The following CACNG3 variants were observed in gnomAD, a reference collection of about 807,000 sequenced individuals.
CACNG3 encodes the protein voltage-dependent calcium channel gamma-3 subunit.
A neutral mutation model predicts 28.5 loss-of-function variants in CACNG3; 3 were observed. The ratio of observed to expected loss-of-function variants is 0.11; its 90% CI spans 0.05 to 0.27. CACNG3 has a LOEUF of 0.27. Ranked by LOEUF, CACNG3 falls within the 10% of genes least tolerant of loss-of-function variation. The pLI is 1.00. For missense variants in CACNG3, 236 were observed against 414.4 expected, an observed-to-expected ratio of 0.57 and a Z score of 3.74; for synonymous variants, 174 against 162.2, an observed-to-expected ratio of 1.07 and a Z score of -0.55.
intron 1 of CACNG3, among the ~76,000 whole-genome samples, chr16:24,323,219 C>CA (rs761999416): frequency 0.043 from 2,838 of 66,722 alleles, 161 homozygotes; most frequent in Middle Eastern, 0.059. Flanking sequence ...GAGCAGGACT[C>CA]AAAAAAAAAA....
Position 24,308,839 on chromosome 16 carries a change from C to CAAAAAAAA in CACNG3, c.212-37874_212-37867dup, listed in dbSNP as rs71154298. Among the ~76,000 whole-genome samples, 25 of 27,266 alleles carry CAAAAAAAA rather than the reference C, an allele frequency of 9.2e-4. 2 individuals carry two copies. Among genetic ancestry groups the CAAAAAAAA allele is most frequent in the Non-Finnish European group, 9.7e-4 (13 of 13,408 alleles). 17.9% of individuals were successfully genotyped at this position (27,266 alleles called of 152,430 possible). On this transcript the variant is annotated intron_variant, in intron 1 of 3. Transcript: ENST00000005284. ...TGGCTGATGGAGTGAGAACCTACCT[C>CAAAAAAAA]AAAAAAAAAAAAAAAAAAAAAAAAA...
At chr16:24,270,039 G>A (rs1437620678) in intron 1 of CACNG3, among the ~76,000 whole-genome samples, 1 of 152,086 alleles carries the variant, frequency 6.6e-6, no homozygotes, top group African/African-American at 2.4e-5. Context: ...TTGGCTAAGA[G>A]TCTATATATA....
At chr16:24,306,737 A>G (rs1899190229) in intron 1 of CACNG3, among the ~76,000 whole-genome samples, 2 of 152,210 alleles carry the variant, frequency 1.3e-5, no homozygotes, top group East Asian at 1.9e-4. Flanking sequence ...TTGCACTGCC[A>G]TGCTAGAGAT....
chr16:24,288,948 T>C (rs1302118688), intron 1 of CACNG3, among the ~76,000 whole-genome samples: 3 of 152,072 alleles, frequency 2.0e-5, no homozygotes, highest in Non-Finnish European at 2.9e-5. Context: ...AAGGGTATGG[T>C]GACTTTTTCC....
chr16:24,284,133 G>C (rs746203791), intron 1 of CACNG3, among the ~76,000 whole-genome samples: 5 of 152,056 alleles, frequency 3.3e-5, no homozygotes, highest in Non-Finnish European at 7.4e-5. Flanking sequence ...GTTTTTGATT[G>C]TATAATGCTG....
chr16:24,309,589 C>T (rs759779966), intron 1 of CACNG3, among the ~76,000 whole-genome samples: 4 of 152,192 alleles, frequency 2.6e-5, no homozygotes, highest in Non-Finnish European at 4.4e-5. Context: ...TACTTTCATG[C>T]AGGGGTGCCT....
In CACNG3 at chr16:24,256,541, T is replaced by A; in HGVS notation, c.-214T>A. On this transcript the variant is annotated 5_prime_UTR_variant, in exon 1 of 4. Transcript: ENST00000005284. This position sits in a 1 kb window ranked among gnomAD's most constrained non-coding sequence, Gnocchi z 4.6. Reference sequence around the variant, plus strand: ...TGATGCGGACCAACCCCCCGGAGCCTGCACCCTTCCGAGGGCCATAGGCGA... The same window carrying A: ...TGATGCGGACCAACCCCCCGGAGCCAGCACCCTTCCGAGGGCCATAGGCGA... 1 of 572,556 alleles carries A rather than the reference T, an allele frequency of 1.7e-6. No homozygotes were observed. 35.5% of individuals were successfully genotyped at this position (572,556 alleles called of 1,614,324 possible). A position where few individuals can be genotyped will look rare whatever the true frequency, so the allele number is the denominator to read the frequency against.
chr16:24,282,529 C>T (rs1426653473), intron 1 of CACNG3, among the ~76,000 whole-genome samples: 2 of 152,036 alleles, frequency 1.3e-5, no homozygotes, highest in African/African-American at 4.8e-5. Flanking sequence ...CCCACCTCAA[C>T]CTCCCAAAGT....
At chr16:24,287,935 C>G (rs752966329) in intron 1 of CACNG3, among the ~76,000 whole-genome samples, 1 of 151,968 alleles carries the variant, frequency 6.6e-6, no homozygotes, top group South Asian at 2.1e-4. Flanking sequence ...ATAGTGAACC[C>G]GAGTCTTTCC....
chr16:24,317,566 G>C (rs1303590028), intron 1 of CACNG3, among the ~76,000 whole-genome samples: 2 of 39,772 alleles, frequency 5.0e-5, no homozygotes, highest in Non-Finnish European at 8.8e-5. Flanking sequence ...AAGAAAGAAA[G>C]AAAGAAAGAA....
intron 1 of CACNG3, among the ~76,000 whole-genome samples, chr16:24,300,218 A>G (rs1346479542): frequency 1.3e-5 from 2 of 152,146 alleles, no homozygotes; most frequent in Non-Finnish European, 1.5e-5. Flanking sequence ...CTGCTTTCAC[A>G]TCCCAGATAA....
chr16:24,351,840 T>C (rs1899952106), intron 2 of CACNG3, among the ~76,000 whole-genome samples: 1 of 144,686 alleles, frequency 6.9e-6, no homozygotes, highest in Non-Finnish European at 1.5e-5. Context: ...TCTTTTTTTT[T>C]TTTTTTTTTT....
chr16:24,315,099 C>T (rs1225959272), intron 1 of CACNG3, among the ~76,000 whole-genome samples: 1 of 152,154 alleles, frequency 6.6e-6, no homozygotes, highest in East Asian at 1.9e-4. Flanking sequence ...GCTGCCACTT[C>T]CCTGACATTA....
At position 24,354,940 on chromosome 16, in the gene CACNG3, A is replaced by T; in HGVS notation, c.403A>T (p.Ile135Phe). 1.2e-6 allele frequency: 2 copies of T among 1,612,752 alleles called. No individual in the cohort carries two copies. Among genetic ancestry groups the T allele is most frequent in the Non-Finnish European group, 1.7e-6 (2 of 1,180,006 alleles). ...SEFHRSRHNV[I>F]LSAGIFFVSA... ...GTTCCACCGCAGCAGACACAACGTC[A>T]TTCTCAGCGCGGGCATCTTTTTTGT... The change falls in exon 3 of 4, where the codon ATT (isoleucine) becomes TTT (phenylalanine). Residue 135 changes from isoleucine to phenylalanine, a missense_variant. Around this residue, in one of 2 missense-constraint regions of CACNG3, gnomAD observed 120 missense variants for 263.4 expected, o/e 0.46. Transcript: ENST00000005284.
At chr16:24,326,500 A>G (rs549558245) in intron 1 of CACNG3, among the ~76,000 whole-genome samples, 1 of 152,142 alleles carries the variant, frequency 6.6e-6, no homozygotes, top group Non-Finnish European at 1.5e-5. Context: ...ATTTCTAACC[A>G]ATGTTCCAAG....
In CACNG3 at chr16:24,257,371, GA is replaced by G. The variant is rs1567427532; in HGVS notation, c.211+407del. Among the ~76,000 whole-genome samples the G allele has an allele frequency of 7.5e-3, 66 of 8,796 alleles. 3 individuals carry two copies. Among genetic ancestry groups the G allele is most frequent in the Non-Finnish European group, 0.013 (42 of 3,198 alleles). 5.8% of individuals were successfully genotyped at this position (8,796 alleles called of 152,430 possible). A position where few individuals can be genotyped will look rare whatever the true frequency, so the allele number is the denominator to read the frequency against. On this transcript the variant is annotated intron_variant, in intron 1 of 3. Coordinates refer to ENST00000005284, the MANE Select transcript of CACNG3 (RefSeq NM_006539.4). ...ACAAGAGGAAAGAAGTGAGGGGGGA[GA>G]GAGAGAGAGAGAGAGAGAGAGAGAG...
chr16:24,308,512 T>G (rs1899215346), intron 1 of CACNG3, among the ~76,000 whole-genome samples: 1 of 152,174 alleles, frequency 6.6e-6, no homozygotes, highest in Admixed American at 6.5e-5. Context: ...GCTTCTATAT[T>G]CCTAAATCTT....
At chr16:24,348,344 A>AGTGCCATTGCAGTGATC (rs1191387514) in intron 2 of CACNG3, among the ~76,000 whole-genome samples, 12 of 151,296 alleles carry the variant, frequency 7.9e-5, no homozygotes, top group Admixed American at 3.9e-4. Flanking sequence ...CTGAGGCTGC[A>AGTGCCATTGCAGTGATC]GTGCCATTGC....
At chr16:24,299,440 C>A (rs372546435) in intron 1 of CACNG3, among the ~76,000 whole-genome samples, 2 of 152,156 alleles carry the variant, frequency 1.3e-5, no homozygotes, top group East Asian at 3.9e-4. Flanking sequence ...ACATCTTGTA[C>A]ATTCCCTGCC....
Sources: gnomAD v4.1 joint callset for allele counts (sites outside exome capture counted in the v4.1 genomes callset) on GRCh38, gnomAD v4.1.1 for gene constraint, gnomAD v4.1.1 regional missense constraint, Gnocchi (gnomAD v3.1) non-coding constraint, MANE v1.5 for transcripts, NCBI Gene and HGNC (gene_info 2026-07-23, HGNC 2026-07-21) for gene names.